Variants in CORO7 observed in about 807,000 individuals in gnomAD.
CORO7 encodes coronin-7.
Under a neutral mutation model 126.6 loss-of-function variants are expected in CORO7, and 107 were observed. The observed-to-expected ratio is 0.85, with a 90% CI of 0.72 to 0.99. The LOEUF (loss-of-function observed/expected upper bound fraction) is 0.99. Ranked by LOEUF, CORO7 falls within the 50% of genes least tolerant of loss-of-function variation. The probability of loss-of-function intolerance (pLI) is 0.00; values close to 1 mark genes in which losing one functional copy is unlikely to be tolerated. For missense variants in CORO7, 1,314 were observed against 1,255.8 expected, an observed-to-expected ratio of 1.05 and a Z score of -0.70; for synonymous variants, 603 against 536.8, an observed-to-expected ratio of 1.12 and a Z score of -1.70.
At position 4,361,304 on chromosome 16, in the gene CORO7, C is replaced by T. The variant is rs541418585; in HGVS notation, c.1688-56G>A. On this transcript the variant is annotated intron_variant, in intron 17 of 27. Transcript: ENST00000251166. Reference sequence around the variant, plus strand: ...CTGAGCCCAAGACCTCTGGGCTCCCCAGCCCCTATCCGGGACCCAGGACCC... The same window carrying T: ...CTGAGCCCAAGACCTCTGGGCTCCCTAGCCCCTATCCGGGACCCAGGACCC... The T allele has an allele frequency of 5.0e-6, 8 of 1,610,512 alleles. No homozygotes were observed. In the African/African-American group the frequency reaches 8.0e-5, roughly 16 times the overall value.
intron 9 of CORO7, among the ~76,000 whole-genome samples, chr16:4,372,786 G>A (rs1197195198): frequency 1.3e-5 from 2 of 152,172 alleles, no homozygotes; most frequent in Non-Finnish European, 2.9e-5. Context: ...GCCACACCAG[G>A]GTCACTGACC....
chr16:4,381,016 C>T, intron 9 of CORO7: 1 of 1,609,372 alleles, frequency 6.2e-7, no homozygotes, highest in Non-Finnish European at 8.5e-7. Flanking sequence ...GACCACGGTG[C>T]CCCGAGACGT....
chr16:4,394,341 C>T (rs751241155), intron 7 of CORO7, among the ~76,000 whole-genome samples: 24 of 150,374 alleles, frequency 1.6e-4, no homozygotes, highest in Non-Finnish European at 8.8e-5. Flanking sequence ...CCCAGCTACT[C>T]GGGAGGCTGA....
intron 3 of CORO7, among the ~76,000 whole-genome samples, chr16:4,411,757 A>G (rs1295124428): frequency 1.3e-5 from 2 of 152,070 alleles, no homozygotes; most frequent in African/African-American, 4.8e-5. Context: ...AATGCAGGCC[A>G]GAGAGACTGG....
chr16:4,364,632 C>T lies in CORO7; in HGVS notation c.1102G>A (p.Asp368Asn), dbSNP rs748161669. The T allele has an allele frequency of 7.6e-6, 12 of 1,573,328 alleles. No homozygotes were observed. The highest frequency in any genetic ancestry group is 4.6e-5 in the East Asian group (2 of 43,162). Residue 368 changes from aspartate to asparagine, a missense_variant, in exon 13 of 28, where the codon GAC (aspartate) becomes AAC (asparagine). Transcript: ENST00000251166. ...PDTAGCVPAT[D>N]PHSWWAGDNQ... is the part of the protein sequence containing the mutation. ...TCCCCAGCCCACCAGCTATGGGGGT[C>T]GGTGGCAGGCACACAGCCGGCAGTG...
At chr16:4,404,136 G>A (rs1487848327) in intron 6 of CORO7, among the ~76,000 whole-genome samples, 1 of 152,226 alleles carries the variant, frequency 6.6e-6, no homozygotes. Flanking sequence ...AGTTAGACTA[G>A]GGTCCCTCCA....
In CORO7 at chr16:4,360,469, G is replaced by A. The variant is rs768482683; in HGVS notation, c.1997C>T (p.Pro666Leu). 12 of 1,612,462 alleles carry A rather than the reference G, an allele frequency of 7.4e-6. No individual in the cohort carries two copies. Among genetic ancestry groups the A allele is most frequent in the Non-Finnish European group, 9.3e-6 (11 of 1,179,728 alleles). The part of the protein sequence containing the change: ...CKDGRVRVYR[P>L]RSGPEPLQEG... ...CTGCAGGGGCTCAGGGCCACTCCGG[G>A]GCCTGTAGACCCGCACACGCCCATC... The change falls in exon 20 of 28, where the codon CCC becomes CTC. Residue 666 changes from proline to leucine, a missense_variant. By Grantham distance (98) the Pro-to-Leu change is moderately conservative. Transcript: ENST00000251166.
chr16:4,365,588 G>A (rs957486181), intron 9 of CORO7, 43 bp from the exon 10 acceptor site: 2 of 1,556,382 alleles, frequency 1.3e-6, no homozygotes, highest in Non-Finnish European at 8.7e-7. Context: ...GCAGTGGGAG[G>A]GCTGCCAGAC....
chr16:4,412,768 C>G, intron 2 of CORO7: 1 of 346,706 alleles, frequency 2.9e-6, no homozygotes, highest in Non-Finnish European at 5.3e-6. Flanking sequence ...AAGCCAACAC[C>G]CAAGGTGGCA....
At chr16:4,388,091 G>A (rs2055258056) in intron 8 of CORO7, 23 bp from the exon 9 acceptor site, 1 of 1,602,382 alleles carries the variant, frequency 6.2e-7, no homozygotes, top group African/African-American at 1.3e-5. Flanking sequence ...CGAGAGAGGG[G>A]CTCAGAGGGG....
intron 24 of CORO7, 58 bp downstream of exon 24, chr16:4,358,309 C>T (rs1393529747): frequency 6.3e-7 from 1 of 1,584,256 alleles, no homozygotes; most frequent in Non-Finnish European, 8.6e-7. Flanking sequence ...GGGACCCAAA[C>T]TCCCCTCTAG....
At chr16:4,408,278 C>T in intron 3 of CORO7, 27 bp from the exon 4 acceptor site, 2 of 1,614,176 alleles carry the variant, frequency 1.2e-6, no homozygotes, top group Non-Finnish European at 1.7e-6. Flanking sequence ...GCTGAACCCA[C>T]CGGAATGTCC....
chr16:4,361,256 GGAC>G lies in CORO7; in HGVS notation c.1688-11_1688-9del. The G allele has an allele frequency of 6.2e-7, 1 of 1,612,506 alleles. No individual in the cohort carries two copies. Among genetic ancestry groups the G allele is most frequent in the Non-Finnish European group, 8.5e-7 (1 of 1,179,920 alleles). ...TCCTGGCGTCCTCACCAGCTGCAGA[GGAC>G]AGACAGGGGCTCATCATTGCTGAGC... On this transcript the variant is annotated splice_polypyrimidine_tract_variant and intron_variant, in intron 17 of 27. Coordinates refer to ENST00000251166, the MANE Select transcript of CORO7 (RefSeq NM_024535.5).
intron 9 of CORO7, among the ~76,000 whole-genome samples, chr16:4,375,632 C>T (rs1193383906): frequency 5.3e-5 from 8 of 152,330 alleles, no homozygotes; most frequent in South Asian, 4.1e-4. Flanking sequence ...GGACTACAGG[C>T]GCCTGCCACC....
Position 4,362,690 on chromosome 16 carries a change from A to C in CORO7, c.1324T>G (p.Ser442Ala). Residue 442 changes from serine to alanine, a missense_variant, in exon 15 of 28, where the codon TCC (serine) becomes GCC (alanine). Ser to Ala is a moderately conservative substitution (Grantham distance 99). Transcript: ENST00000251166. This position sits in a 1 kb window ranked among gnomAD's most constrained non-coding sequence, Gnocchi z 5.3. Reference sequence around the variant, plus strand: ...CTGGAGAGTGAGGGCCCCAGGCTGGAGGGCGTGGAGGGCGAGGTCAGCGAA... The same window carrying C: ...CTGGAGAGTGAGGGCCCCAGGCTGGCGGGCGTGGAGGGCGAGGTCAGCGAA... ...PSSLTSPSTP[S>A]SLGPSLSSTS... 6.8e-7 allele frequency: 1 copy of C among 1,471,566 alleles called. No individual in the cohort carries two copies. Among genetic ancestry groups the C allele is most frequent in the Non-Finnish European group, 9.0e-7 (1 of 1,109,916 alleles). 91.2% of individuals were successfully genotyped at this position (1,471,566 alleles called of 1,614,324 possible).
At chr16:4,358,522 A>C in intron 23 of CORO7, 39 bp from the exon 24 acceptor site, 2 of 1,545,316 alleles carry the variant, frequency 1.3e-6, no homozygotes, top group Non-Finnish European at 1.7e-6. Context: ...GCTGGGACCT[A>C]GAGCTCATGG....
In CORO7 at chr16:4,381,613, C is replaced by T. The variant is rs763447567; in HGVS notation, c.785+6373G>A. The stretch of plus-strand genomic sequence containing the variant: ...CCTCCGGGGCCTGACGCGCCTGCGG[C>T]TGGCCGGCAACACCCGCATTGCCCA... On this transcript the variant is annotated intron_variant, in intron 9 of 27. Transcript: ENST00000251166. 18 of 1,598,242 alleles carry T rather than the reference C, an allele frequency of 1.1e-5. No homozygotes were observed. The South Asian group carries it at 1.9e-4, about 17-fold the overall frequency.
intron 1 of CORO7, chr16:4,413,611 C>T: frequency 2.1e-6 from 1 of 469,224 alleles, no homozygotes; most frequent in Non-Finnish European, 3.8e-6. Flanking sequence ...GATCTTGGAT[C>T]ACTGCAATCT....
At position 4,359,495 on chromosome 16, in the gene CORO7, C is replaced by T; in HGVS notation, c.2235G>A (p.Val745=). 1 of 1,613,542 alleles carries T rather than the reference C, an allele frequency of 6.2e-7. No individual in the cohort carries two copies. The highest frequency in any genetic ancestry group is 8.5e-7 in the Non-Finnish European group (1 of 1,179,990). Residue 745 remains valine, a synonymous_variant, in exon 22 of 28, where the codon GTG becomes GTA. Coordinates refer to ENST00000251166, the MANE Select transcript of CORO7 (RefSeq NM_024535.5). ...LPSYDPDTGL[V]LLTGKGDTRV... ...CCCAGCCCACCTTGCCGGTCAGGAG[C>T]ACCAGGCCAGTGTCTGGGTCGTAGC...
Sources: gnomAD v4.1 joint callset for allele counts (sites outside exome capture counted in the v4.1 genomes callset) on GRCh38, gnomAD v4.1.1 for gene constraint, Gnocchi (gnomAD v3.1) non-coding constraint, MANE v1.5 for transcripts, NCBI Gene and HGNC (gene_info 2026-07-23, HGNC 2026-07-21) for gene names.